ROBO1: variants seen among roughly 807,000 people sequenced by gnomAD.
The protein encoded by ROBO1 is roundabout guidance receptor 1, also known as roundabout homolog 1.
In ROBO1, 149 loss-of-function variants were observed where a neutral mutation model predicts 195.9. The ratio of observed to expected loss-of-function variants is 0.76; its 90% confidence interval spans 0.67 to 0.87. The LOEUF is 0.87. ROBO1 is among the 40% of genes least tolerant of loss of function. The pLI is 0.00. For missense variants in ROBO1, 1,933 were observed against 2,068.3 expected, an observed-to-expected ratio of 0.93 and a Z score of 1.27; for synonymous variants, 816 against 733.2, an observed-to-expected ratio of 1.11 and a Z score of -1.82.
intron 29 of ROBO1, among the ~76,000 whole-genome samples, chr3:78,601,774 GA>G (rs1481579243): frequency 2.6e-5 from 4 of 152,044 alleles, no homozygotes; most frequent in Non-Finnish European, 2.9e-5. Flanking sequence ...TCACTACTAT[GA>G]AACTGAGAAA....
chr3:79,261,834 A>T (rs2082943311), intron 2 of ROBO1, among the ~76,000 whole-genome samples: 1 of 152,092 alleles, frequency 6.6e-6, no homozygotes, highest in African/African-American at 2.4e-5. Flanking sequence ...AAAGAAATAT[A>T]CTTCTGCCTA....
At chr3:79,259,561 C>T (rs2082901091) in intron 2 of ROBO1, among the ~76,000 whole-genome samples, 2 of 151,960 alleles carry the variant, frequency 1.3e-5, no homozygotes, top group Admixed American at 6.6e-5. Context: ...GCCCATTAAC[C>T]ATCCCCACCT....
chr3:78,845,863 A>C (rs1163759510), intron 4 of ROBO1, among the ~76,000 whole-genome samples: 1 of 152,200 alleles, frequency 6.6e-6, no homozygotes, highest in Non-Finnish European at 1.5e-5. Context: ...TCCATGCAGT[A>C]AATCATTTTT....
intron 2 of ROBO1, among the ~76,000 whole-genome samples, chr3:79,340,787 T>C (rs752824894): frequency 5.3e-5 from 8 of 152,168 alleles, no homozygotes; most frequent in Non-Finnish European, 1.0e-4. Flanking sequence ...AGTGCTAAAA[T>C]AGAAATGTAC....
At chr3:79,526,468 GTAAA>G (rs1941437601) in intron 2 of ROBO1, 1 of 152,148 alleles carries the variant, frequency 6.6e-6, no homozygotes, top group African/African-American at 2.4e-5. Context: ...AAGAGTATGA[GTAAA>G]TAAACAGCAC....
intron 1 of ROBO1, among the ~76,000 whole-genome samples, chr3:79,719,011 A>G (rs9309829): frequency 0.01 from 1,542 of 152,152 alleles, 34 homozygotes; most frequent in African/African-American, 0.035. Context: ...AAGCATAAAT[A>G]AGAATGTCTT....
chr3:79,171,489 G>A (rs1231954523), intron 2 of ROBO1, among the ~76,000 whole-genome samples: 2 of 148,570 alleles, frequency 1.3e-5, no homozygotes, highest in African/African-American at 4.9e-5. Flanking sequence ...ATTTAAGAAA[G>A]TGATGAAGAA....
At chr3:79,213,660 C>G (rs1472422351) in intron 2 of ROBO1, among the ~76,000 whole-genome samples, 1 of 152,158 alleles carries the variant, frequency 6.6e-6, no homozygotes, top group Non-Finnish European at 1.5e-5. Context: ...TAATTTCTCC[C>G]TGAGAAATCA....
intron 3 of ROBO1, among the ~76,000 whole-genome samples, chr3:79,116,314 CCTTT>C (rs1281138211): frequency 1.3e-5 from 2 of 150,194 alleles, no homozygotes; most frequent in Admixed American, 6.7e-5. Flanking sequence ...TTCCTTCCTT[CCTTT>C]TCTTTTTCTT....
At chr3:79,126,654 T>G (rs934751329) in intron 2 of ROBO1, among the ~76,000 whole-genome samples, 1 of 152,168 alleles carries the variant, frequency 6.6e-6, no homozygotes, top group East Asian at 1.9e-4. Flanking sequence ...AGAATCACCT[T>G]TAACATTATC....
chr3:79,732,021 A>G (rs1214292055), intron 1 of ROBO1, among the ~76,000 whole-genome samples: 1 of 152,164 alleles, frequency 6.6e-6, no homozygotes, highest in Non-Finnish European at 1.5e-5. Context: ...AATTTCCACA[A>G]ACCTAGAGTG....
At chr3:79,211,820 C>T (rs1356743242) in intron 2 of ROBO1, among the ~76,000 whole-genome samples, 1 of 152,102 alleles carries the variant, frequency 6.6e-6, no homozygotes, top group Non-Finnish European at 1.5e-5. Context: ...CCTAGCTGCG[C>T]TGGAGGAATT....
intron 3 of ROBO1, among the ~76,000 whole-genome samples, chr3:78,985,132 G>A (rs555159714): frequency 2.6e-5 from 4 of 152,174 alleles, no homozygotes; most frequent in South Asian, 2.1e-4. Context: ...TGGGCAACAT[G>A]GCAAAACCCC....
chr3:79,379,434 T>C (rs543088084), intron 2 of ROBO1, among the ~76,000 whole-genome samples: 1 of 152,288 alleles, frequency 6.6e-6, no homozygotes, highest in African/African-American at 2.4e-5. Context: ...ATAATGTCCA[T>C]GAGTTCATCA....
chr3:79,311,925 C>G (rs1200700221), intron 2 of ROBO1, among the ~76,000 whole-genome samples: 5 of 152,112 alleles, frequency 3.3e-5, no homozygotes, highest in Admixed American at 1.3e-4. Context: ...CTACAGGTCT[C>G]TATATCCATC....
chr3:79,204,066 CTG>C (rs1397874360), intron 2 of ROBO1, among the ~76,000 whole-genome samples: 1 of 152,088 alleles, frequency 6.6e-6, no homozygotes, highest in Non-Finnish European at 1.5e-5. Context: ...TCACTCAGCA[CTG>C]TGTTTTAGAA....
At chr3:79,247,865 C>T (rs1210885816) in intron 2 of ROBO1, among the ~76,000 whole-genome samples, 1 of 152,056 alleles carries the variant, frequency 6.6e-6, no homozygotes, top group African/African-American at 2.4e-5. Context: ...GTCCCAGACA[C>T]AGAATAAATA....
intron 4 of ROBO1, among the ~76,000 whole-genome samples, chr3:78,922,275 C>T (rs1023690152): frequency 1.6e-4 from 24 of 151,876 alleles, no homozygotes; most frequent in African/African-American, 5.3e-4. Context: ...CAAAAATGTT[C>T]AGGAAAATCA....
rs144142717 is a variant in ROBO1 at position 78,642,507 on chromosome 3, C to CTATT, written c.2883-2613_2883-2610dup. Among the ~76,000 whole-genome samples, 31 of 152,280 alleles carry CTATT rather than the reference C, an allele frequency of 2.0e-4. No individual in the cohort carries two copies. In the East Asian group the frequency reaches 6.0e-3, roughly 29 times the overall value. ...TTAAAGAGAAGCAAAGGCTTGAGCT[C>CTATT]TATTTCCTCACCTCCCACCAACAGG... On this transcript the variant is annotated intron_variant, in intron 21 of 30. Transcript: ENST00000464233.
Sources: gnomAD v4.1 joint callset for allele counts (sites outside exome capture counted in the v4.1 genomes callset) on GRCh38, gnomAD v4.1.1 for gene constraint, MANE v1.5 for transcripts, NCBI Gene and HGNC (gene_info 2026-07-23, HGNC 2026-07-21) for gene names.